CHID1: variants seen among roughly 807,000 people sequenced by gnomAD.
CHID1 encodes chitinase domain containing 1, also known as chitinase domain-containing protein 1.
In CHID1, 44 loss-of-function variants were observed where a neutral mutation model predicts 55.4. The observed-to-expected ratio is 0.79, with a 90% CI of 0.62 to 1.02. The LOEUF (loss-of-function observed/expected upper bound fraction) is 1.02, where lower values mean the gene tolerates loss of function less well. Among genes scored for constraint, CHID1 ranks in the 50% least tolerant of loss-of-function variants. CHID1 has a pLI of 0.00. For missense variants in CHID1, 491 were observed against 515.3 expected (o/e 0.95, Z 0.46); for synonymous variants, 216 against 212.9 (o/e 1.01, Z -0.13).
intron 10 of CHID1, among the ~76,000 whole-genome samples, chr11:872,305 C>T (rs1426588394): frequency 1.3e-5 from 2 of 152,176 alleles, no homozygotes; most frequent in African/African-American, 2.4e-5. Flanking sequence ...TCACAGCCAC[C>T]CGCCACCACG....
At chr11:883,705 CCTT>C (rs1850174116) in intron 9 of CHID1, among the ~76,000 whole-genome samples, 1 of 152,248 alleles carries the variant, frequency 6.6e-6, no homozygotes. Flanking sequence ...AGACACAAGG[CCTT>C]CTGGGCATCC....
intron 8 of CHID1, among the ~76,000 whole-genome samples, chr11:889,198 G>C (rs1159662586): frequency 1.3e-5 from 2 of 152,174 alleles, no homozygotes; most frequent in Non-Finnish European, 2.9e-5. Context: ...GGTGACACGA[G>C]TGAGCCCACA....
chr11:904,813 G>T lies in CHID1; in HGVS notation c.4C>A (p.Arg2=). Residue 2 remains arginine (R), a synonymous_variant, in exon 2 of 13, where the codon CGG becomes AGG. Transcript: ENST00000323578. M[R]TLFNLLWLAL... is the part of the protein sequence containing the mutation. ...AGCCAGAGGAGGTTGAAGAGTGTCCGCATGGTAGGTGTGTCACAGTAGGGT... is the reference window on the plus strand; with the variant it reads ...AGCCAGAGGAGGTTGAAGAGTGTCCTCATGGTAGGTGTGTCACAGTAGGGT... 1 of 1,613,822 alleles carries T rather than the reference G, an allele frequency of 6.2e-7. No homozygotes were observed. Among genetic ancestry groups the T allele is most frequent in the South Asian group, 1.1e-5 (1 of 91,084 alleles).
intron 10 of CHID1, chr11:882,501 G>T (rs1850037530): frequency 6.6e-6 from 1 of 152,246 alleles, no homozygotes; most frequent in African/African-American, 2.4e-5. Context: ...GCAGACTCAA[G>T]AGGCTCCATG....
intron 4 of CHID1, among the ~76,000 whole-genome samples, chr11:901,936 A>ACACTC (rs1851839896): frequency 9.8e-3 from 1 of 102 alleles, no homozygotes; most frequent in Admixed American, 0.17. Context: ...CACCACACTC[A>ACACTC]ACACTCACAC....
In CHID1 at chr11:883,189, G is replaced by A. The variant is rs542846606; in HGVS notation, c.918C>T (p.Tyr306=). 50 of 1,614,062 alleles carry A rather than the reference G, an allele frequency of 3.1e-5. 1 individual carries two copies. The Middle Eastern group carries it at 5.0e-4, about 16-fold the overall frequency. Residue 306 remains tyrosine (Y), a synonymous_variant, in exon 10 of 13, where the codon TAC becomes TAT. Transcript: ENST00000323578. Reference sequence around the variant, plus strand: ...GCTCACGGGCATCCTTGGAGGTCGCGTAGTCCATACCATAGAAGTTGAGCC... The same window carrying A: ...GCTCACGGGCATCCTTGGAGGTCGCATAGTCCATACCATAGAAGTTGAGCC... ...LLGLNFYGMD[Y]ATSKDAREPV...
Position 893,795 on chromosome 11 carries a change from C to T in CHID1, c.609-276G>A, listed in dbSNP as rs564665710. Among the ~76,000 whole-genome samples, 6 of 151,904 alleles carry T rather than the reference C, an allele frequency of 3.9e-5. No individual in the cohort carries two copies. In the East Asian group the frequency reaches 5.8e-4, roughly 15 times the overall value. On this transcript the variant is annotated intron_variant, in intron 7 of 12. Coordinates refer to ENST00000323578, the MANE Select transcript of CHID1 (RefSeq NM_023947.4). ...GCTCCAACAACCAGAGACAGCCCCA[C>T]GTGTGTACATCACACTTTAGACACC...
In CHID1 at chr11:900,992, G is replaced by A. The variant is rs183288269; in HGVS notation, c.395-12C>T. On this transcript the variant is annotated splice_polypyrimidine_tract_variant and intron_variant, in intron 4 of 12. Coordinates refer to ENST00000323578, the MANE Select transcript of CHID1 (RefSeq NM_023947.4). ...AGCTCGCATCCACCCTGTGGGACAT[G>A]GAGGGGACAGTCAACACAGGCACGT... The A allele has an allele frequency of 2.5e-5, 40 of 1,596,084 alleles. No individual in the cohort carries two copies. The African/African-American group carries it at 4.7e-4, about 19-fold the overall frequency.
At chr11:911,849 G>T (rs1050720044), upstream of CHID1, among the ~76,000 whole-genome samples, 1 of 152,178 alleles carries the variant, frequency 6.6e-6, no homozygotes, top group Non-Finnish European at 1.5e-5. Flanking sequence ...CTGACCTTTG[G>T]GGGTGAAGAC....
chr11:875,174 A>G lies in CHID1; in HGVS notation c.960-4675T>C, dbSNP rs891724119. On this transcript the variant is annotated intron_variant, in intron 10 of 12. Transcript: ENST00000323578. The surrounding 1 kb of genome is among the most constrained non-coding windows in gnomAD (Gnocchi z 4.7). ...ACATAGCTGATGGCTGGCCCTCCCC[A>G]AGCCCACCCTGCAGACACTGAAACC... 3.9e-5 allele frequency among the ~76,000 whole-genome samples: 6 copies of G among 152,062 alleles called. No homozygotes were observed. Among genetic ancestry groups the G allele is most frequent in the African/African-American group, 1.4e-4 (6 of 41,404 alleles).
intron 5 of CHID1, among the ~76,000 whole-genome samples, chr11:900,348 CCT>C (rs952471342): frequency 3.9e-5 from 6 of 152,142 alleles, no homozygotes; most frequent in African/African-American, 1.2e-4. Flanking sequence ...GTCCTGGTCC[CCT>C]GACACCAGCT....
At chr11:898,379 C>G (rs1320514024) in intron 7 of CHID1, among the ~76,000 whole-genome samples, 1 of 152,222 alleles carries the variant, frequency 6.6e-6, no homozygotes, top group African/African-American at 2.4e-5. Context: ...GATTCCAGAA[C>G]CCACGGCTCA....
intron 8 of CHID1, 41 bp downstream of exon 8, chr11:893,386 G>T: frequency 6.6e-7 from 1 of 1,507,484 alleles, no homozygotes; most frequent in Non-Finnish European, 9.0e-7. Flanking sequence ...CGACCCCAGA[G>T]CCCTCCACAG....
intron 10 of CHID1, among the ~76,000 whole-genome samples, chr11:878,917 G>C (rs1016870062): frequency 2.2e-4 from 33 of 151,956 alleles, no homozygotes; most frequent in African/African-American, 8.0e-4. Flanking sequence ...TGCGATCTGG[G>C]CTCACTGCAA....
intron 8 of CHID1, among the ~76,000 whole-genome samples, chr11:885,024 G>A (rs537165303): frequency 1.8e-4 from 27 of 152,244 alleles, no homozygotes; most frequent in Non-Finnish European, 3.4e-4. Context: ...GTACATGAAG[G>A]TCAACACCGA....
chr11:884,758 G>A (rs1479489955), intron 8 of CHID1, among the ~76,000 whole-genome samples: 2 of 152,206 alleles, frequency 1.3e-5, no homozygotes, highest in African/African-American at 4.8e-5. Context: ...ATGGGGGAAG[G>A]GGCGCCAGGG....
chr11:886,255 T>G (rs1589848388), intron 8 of CHID1, among the ~76,000 whole-genome samples: 1 of 148,680 alleles, frequency 6.7e-6, no homozygotes. Context: ...AGCTCAGGAG[T>G]TGGAGTCCAG....
chr11:880,818 C>T (rs1849861377), intron 10 of CHID1, among the ~76,000 whole-genome samples: 1 of 152,228 alleles, frequency 6.6e-6, no homozygotes, highest in Non-Finnish European at 1.5e-5. Context: ...GGACCAGGTT[C>T]TCCAGAAAAG....
chr11:885,053 G>A (rs985686264), intron 8 of CHID1, among the ~76,000 whole-genome samples: 4 of 152,208 alleles, frequency 2.6e-5, no homozygotes, highest in Non-Finnish European at 5.9e-5. Context: ...AGGGCCCCAC[G>A]GCAGCAGGAC....
Sources: allele counts gnomAD v4.1 joint callset (sites outside exome capture counted in the v4.1 genomes callset), GRCh38; gene constraint gnomAD v4.1.1; non-coding constraint Gnocchi (gnomAD v3.1); transcripts MANE v1.5; gene names NCBI Gene and HGNC (gene_info 2026-07-23, HGNC 2026-07-21).